TTPA: variants seen among roughly 807,000 people sequenced by gnomAD.
The protein encoded by TTPA is alpha tocopherol transfer protein.
A neutral mutation model predicts 25.9 loss-of-function variants in TTPA; 23 were observed. That is an observed-to-expected ratio of 0.89 (90% CI 0.64 to 1.26). TTPA has a LOEUF of 1.26. Among genes scored for constraint, TTPA ranks in the 50% most tolerant of loss-of-function variants. The probability of loss-of-function intolerance (pLI) is 0.00; values close to 1 mark genes in which losing one functional copy is unlikely to be tolerated. For missense variants in TTPA, 337 were observed against 353.1 expected (o/e 0.95, Z 0.37); for synonymous variants, 148 against 137.3 (o/e 1.08, Z -0.54).
chr8:63,079,967 T>C (rs550056362), intron 1 of TTPA, among the ~76,000 whole-genome samples: 117 of 152,272 alleles, frequency 7.7e-4, no homozygotes, highest in African/African-American at 2.8e-3. Flanking sequence ...CACAACAAAC[T>C]GTCTCTCAGA....
At position 63,066,553 on chromosome 8, in the gene TTPA, C is replaced by G. The variant is rs1431841736; in HGVS notation, c.359-456G>C. 2.0e-5 allele frequency among the ~76,000 whole-genome samples: 3 copies of G among 152,230 alleles called. No homozygotes were observed. In the East Asian group the frequency reaches 5.8e-4, roughly 29 times the overall value. Reference sequence around the variant, plus strand: ...CTGACAGCCTTCCAGTAGTAAGCAGCACATAGCAGAGTCATGTCCCTGTAG... The same window carrying G: ...CTGACAGCCTTCCAGTAGTAAGCAGGACATAGCAGAGTCATGTCCCTGTAG... On this transcript the variant is annotated intron_variant, in intron 2 of 4. Transcript: ENST00000260116.
chr8:63,083,653 A>G (rs1385625931), intron 1 of TTPA, among the ~76,000 whole-genome samples: 2 of 151,988 alleles, frequency 1.3e-5, no homozygotes, highest in Non-Finnish European at 2.9e-5. Context: ...AAAAAGAACA[A>G]AAGCAAAAAC....
At chr8:63,078,499 G>T (rs7842218) in intron 1 of TTPA, among the ~76,000 whole-genome samples, 10,306 of 152,220 alleles carry the variant, frequency 0.068, 646 homozygotes, top group African/African-American at 0.16. Context: ...TTAAATGACC[G>T]GATGGAACTG....
chr8:63,081,016 CAA>C (rs879635708), intron 1 of TTPA, among the ~76,000 whole-genome samples: 2 of 134,288 alleles, frequency 1.5e-5, no homozygotes. Flanking sequence ...GCCTACCAAC[CAA>C]AAAAAAAAAA....
At chr8:63,080,059 C>T (rs1033081982) in intron 1 of TTPA, among the ~76,000 whole-genome samples, 1 of 152,174 alleles carries the variant, frequency 6.6e-6, no homozygotes, top group Non-Finnish European at 1.5e-5. Context: ...ACCACCTGCT[C>T]CTGAATGACT....
At position 63,086,052 on chromosome 8, in the gene TTPA, C is replaced by A. The variant is rs1415121680; in HGVS notation, c.-31G>T. The A allele has an allele frequency of 5.1e-6, 7 of 1,385,408 alleles. No homozygotes were observed. The highest frequency in any genetic ancestry group is 5.6e-6 in the Non-Finnish European group (6 of 1,068,948). The allele number at this position is 1,385,408 out of a possible 1,614,324, so 85.8% of individuals were successfully genotyped here. A position where few individuals can be genotyped will look rare whatever the true frequency, so the allele number is the denominator to read the frequency against. On this transcript the variant is annotated 5_prime_UTR_variant, in exon 1 of 5. Transcript: ENST00000260116. ...CCGCCGCTGCTGCGGCCGCAGCTAC[C>A]CGGGCACCCGGGAAAAGCGCGCGCC...
Position 63,061,187 on chromosome 8 carries a change from A to G in TTPA, c.*65T>C, listed in dbSNP as rs749931635. On this transcript the variant is annotated 3_prime_UTR_variant, in exon 5 of 5. Transcript: ENST00000260116. Reference sequence around the variant, plus strand: ...AAGATTTGCTCCTTTTCTTTCATTCATTTAACCAGGTTGGATATCACTCAT... The same window carrying G: ...AAGATTTGCTCCTTTTCTTTCATTCGTTTAACCAGGTTGGATATCACTCAT... 3 of 1,515,474 alleles carry G rather than the reference A, an allele frequency of 2.0e-6. No homozygotes were observed. Among genetic ancestry groups the G allele is most frequent in the Non-Finnish European group, 2.7e-6 (3 of 1,098,670 alleles). The allele number at this position is 1,515,474 out of a possible 1,614,324, so 93.9% of individuals were successfully genotyped here.
intron 1 of TTPA, 71 bp downstream of exon 1, chr8:63,085,747 C>A: frequency 6.6e-7 from 1 of 1,505,250 alleles, no homozygotes; most frequent in Non-Finnish European, 8.9e-7. Context: ...GGTCAGATAT[C>A]CGGGGTCGTG....
chr8:63,064,290 G>A lies in TTPA; in HGVS notation c.579C>T (p.Gly193=). 6.2e-7 allele frequency: 1 copy of A among 1,612,478 alleles called. No homozygotes were observed. Among genetic ancestry groups the A allele is most frequent in the South Asian group, 1.1e-5 (1 of 90,974 alleles). Reference sequence around the variant, plus strand: ...TTACTGGTTCATTTATCAAATGGATGCCACGAACTTTCAATGGAAATGAAT... The same window carrying A: ...TTACTGGTTCATTTATCAAATGGATACCACGAACTTTCAATGGAAATGAAT... ...LTDSFPLKVR[G]IHLINEPVIF... is the part of the protein sequence containing the mutation. The change falls in exon 4 of 5, where the codon GGC becomes GGT. Residue 193 remains glycine, a synonymous_variant. Coordinates refer to ENST00000260116, the MANE Select transcript of TTPA (RefSeq NM_000370.3).
intron 1 of TTPA, among the ~76,000 whole-genome samples, chr8:63,085,485 G>C (rs1805734133): frequency 6.6e-6 from 1 of 152,184 alleles, no homozygotes; most frequent in South Asian, 2.1e-4. Context: ...TTTCCTGCAG[G>C]GAGAGGAAGG....
Position 63,069,269 on chromosome 8 carries a change from A to G in TTPA, c.359-3172T>C, listed in dbSNP as rs72659818. On this transcript the variant is annotated intron_variant, in intron 2 of 4. Transcript: ENST00000260116. ...CAAAAATACTATACTAACTTCAGAC[A>G]TTGGCTGAATGCTATAATGATTAAA... 1.8e-3 allele frequency among the ~76,000 whole-genome samples: 267 copies of G among 151,750 alleles called. 2 individuals carry two copies. The highest frequency in any genetic ancestry group is 3.4e-3 in the Non-Finnish European group (234 of 67,972).
Position 63,061,043 on chromosome 8 carries a change from T to G in TTPA, c.*209A>C. 1 of 534,336 alleles carries G rather than the reference T, an allele frequency of 1.9e-6. No homozygotes were observed. The allele number at this position is 534,336 out of a possible 1,614,324, so 33.1% of individuals were successfully genotyped here. On this transcript the variant is annotated 3_prime_UTR_variant, in exon 5 of 5. Coordinates refer to ENST00000260116, the MANE Select transcript of TTPA (RefSeq NM_000370.3). ...TTATGCTCTTAAAATGTACTGACAT[T>G]TAATTACTTCAAAAGTAGAGAAAAA...
chr8:63,062,513 A>AT (rs1294263250), intron 4 of TTPA, among the ~76,000 whole-genome samples: 1 of 152,158 alleles, frequency 6.6e-6, no homozygotes, highest in Non-Finnish European at 1.5e-5. Flanking sequence ...CCAATCTTTA[A>AT]TTTTTTCTGA....
At chr8:63,071,691 A>G (rs1258862386) in intron 2 of TTPA, among the ~76,000 whole-genome samples, 2 of 152,150 alleles carry the variant, frequency 1.3e-5, no homozygotes, top group Non-Finnish European at 2.9e-5. Context: ...ATGAGGATGG[A>G]ACCCTCATGA....
chr8:63,072,452 G>A (rs1223969300), intron 2 of TTPA, among the ~76,000 whole-genome samples: 1 of 152,054 alleles, frequency 6.6e-6, no homozygotes, highest in African/African-American at 2.4e-5. Flanking sequence ...TAGTAGAGAC[G>A]GGGTTTCACC....
At chr8:63,077,600 C>T (rs1332810891) in intron 1 of TTPA, among the ~76,000 whole-genome samples, 2 of 152,206 alleles carry the variant, frequency 1.3e-5, no homozygotes, top group Non-Finnish European at 2.9e-5. Flanking sequence ...GGCAGCCTGG[C>T]TGGGGGAGGG....
chr8:63,061,576 A>G, intron 4 of TTPA, 151 bp from the exon 5 acceptor site: 2 of 704,354 alleles, frequency 2.8e-6, no homozygotes, highest in Non-Finnish European at 4.7e-6. Flanking sequence ...TGAATCTAAT[A>G]ATTTTACTTA....
Position 63,085,940 on chromosome 8 carries a change from G to C in TTPA, c.82C>G (p.Leu28Val). The C allele has an allele frequency of 1.3e-6, 2 of 1,520,852 alleles. No homozygotes were observed. The highest frequency in any genetic ancestry group is 8.8e-7 in the Non-Finnish European group (1 of 1,141,642). 94.2% of individuals were successfully genotyped at this position (1,520,852 alleles called of 1,614,324 possible). ...CGGGCCCGGCGCCGCAGCGCCGCCA[G>C]GCCCGGCTGCAGCAACGGAGAGTGG... The part of the protein sequence containing the change: ...PDHSPLLQPG[L>V]AALRRRAREA... The change falls in exon 1 of 5, where the codon CTG (leucine) becomes GTG (valine). Residue 28 changes from leucine to valine, a missense_variant. Physicochemically the swap from Leu to Val is conservative, Grantham distance 32 (BLOSUM62 1). Transcript: ENST00000260116.
At chr8:63,074,646 G>T (rs1805534448) in intron 1 of TTPA, among the ~76,000 whole-genome samples, 1 of 152,046 alleles carries the variant, frequency 6.6e-6, no homozygotes, top group African/African-American at 2.4e-5. Context: ...AGTCTTAGGG[G>T]GTACCAGAAT....
Sources: gnomAD v4.1 joint callset for allele counts (sites outside exome capture counted in the v4.1 genomes callset) on GRCh38, gnomAD v4.1.1 for gene constraint, MANE v1.5 for transcripts, NCBI Gene and HGNC (gene_info 2026-07-23, HGNC 2026-07-21) for gene names.